The following ATRNL1 variants were observed in gnomAD, a reference collection of about 807,000 sequenced individuals.
The protein encoded by ATRNL1 is attractin like 1.
Under a neutral mutation model 182.7 loss-of-function variants are expected in ATRNL1, and 95 were observed. The observed-to-expected ratio is 0.52, with a 90% CI of 0.44 to 0.62. ATRNL1 has a LOEUF of 0.62. Ranked by LOEUF, ATRNL1 falls within the 20% of genes least tolerant of loss-of-function variation. The probability of loss-of-function intolerance (pLI) is 0.00; values close to 1 mark genes in which losing one functional copy is unlikely to be tolerated. For synonymous variants in ATRNL1, 576 were observed against 568.3 expected, an observed-to-expected ratio of 1.01 and a Z score of -0.19; for missense variants, 1,471 against 1,679.5, an observed-to-expected ratio of 0.88 and a Z score of 2.17.
intron 8 of ATRNL1, among the ~76,000 whole-genome samples, chr10:115,214,065 CACAT>C (rs1388094242): frequency 1.3e-5 from 2 of 151,146 alleles, no homozygotes; most frequent in African/African-American, 4.9e-5. Flanking sequence ...CACACACACA[CACAT>C]ATATATAAAC....
chr10:115,196,804 G>A (rs1245375476), intron 8 of ATRNL1, among the ~76,000 whole-genome samples: 1 of 152,050 alleles, frequency 6.6e-6, no homozygotes, highest in African/African-American at 2.4e-5. Flanking sequence ...TAGCCCATTG[G>A]TCAACAACTT....
chr10:115,694,958 CACAG>C lies in ATRNL1; in HGVS notation c.3796-32288_3796-32285del, dbSNP rs2133981060. 2.1e-5 allele frequency among the ~76,000 whole-genome samples: 3 copies of C among 142,566 alleles called. No individual in the cohort carries two copies. The South Asian group carries it at 6.9e-4, about 33-fold the overall frequency. The allele number at this position is 142,566 out of a possible 152,430, so 93.5% of individuals were successfully genotyped here. A position where few individuals can be genotyped will look rare whatever the true frequency, so the allele number is the denominator to read the frequency against. On this transcript the variant is annotated intron_variant, in intron 26 of 28. Coordinates refer to ENST00000355044, the MANE Select transcript of ATRNL1 (RefSeq NM_207303.4). The stretch of plus-strand genomic sequence containing the variant: ...GCACACACGCACACACACACACACA[CACAG>C]AGTATCTTCATCCATTTTTATGACT...
At chr10:115,196,308 A>T (rs571731430) in intron 8 of ATRNL1, among the ~76,000 whole-genome samples, 1 of 152,266 alleles carries the variant, frequency 6.6e-6, no homozygotes, top group South Asian at 2.1e-4. Flanking sequence ...ATTGATGTAT[A>T]TTATGGTTAT....
intron 28 of ATRNL1, among the ~76,000 whole-genome samples, chr10:115,894,376 C>A (rs1555111990): frequency 6.6e-6 from 1 of 152,156 alleles, no homozygotes; most frequent in East Asian, 1.9e-4. Flanking sequence ...GTTTTACTCT[C>A]ACCTTTACAG....
chr10:115,110,018 C>T, intron 1 of ATRNL1, among the ~76,000 whole-genome samples: 1 of 152,054 alleles, frequency 6.6e-6, no homozygotes, highest in Non-Finnish European at 1.5e-5. Flanking sequence ...AGTATAAAAT[C>T]AAACTAATCT....
chr10:115,922,958 C>G lies in ATRNL1; in HGVS notation c.4019-21700C>G, dbSNP rs1555119053. On this transcript the variant is annotated intron_variant, in intron 28 of 28. Coordinates refer to ENST00000355044, the MANE Select transcript of ATRNL1 (RefSeq NM_207303.4). ...GTAGATGGCTTATTCTCTTCCTATT[C>G]CTAAGATATCAGTGTTACTTTAGCC... 3.3e-5 allele frequency among the ~76,000 whole-genome samples: 5 copies of G among 152,158 alleles called. No homozygotes were observed. The South Asian group carries it at 1.0e-3, about 32-fold the overall frequency.
At chr10:115,260,659 G>A (rs1367453154) in intron 10 of ATRNL1, among the ~76,000 whole-genome samples, 1 of 152,108 alleles carries the variant, frequency 6.6e-6, no homozygotes, top group Admixed American at 6.6e-5. Flanking sequence ...GAGATTATAA[G>A]TTAAATCTTT....
At chr10:115,352,546 C>A (rs946589979) in intron 19 of ATRNL1, among the ~76,000 whole-genome samples, 3 of 151,930 alleles carry the variant, frequency 2.0e-5, no homozygotes, top group African/African-American at 7.3e-5. Context: ...GTTTTCATTC[C>A]TTCAGCAGCG....
At chr10:115,844,728 C>T (rs1555098289) in intron 27 of ATRNL1, among the ~76,000 whole-genome samples, 1 of 152,036 alleles carries the variant, frequency 6.6e-6, no homozygotes, top group African/African-American at 2.4e-5. Flanking sequence ...ACACCAGCTT[C>T]TTGCAGTACA....
chr10:115,828,929 A>G (rs1589569013), intron 27 of ATRNL1, among the ~76,000 whole-genome samples: 1 of 152,160 alleles, frequency 6.6e-6, no homozygotes, highest in Non-Finnish European at 1.5e-5. Flanking sequence ...CAAATTCCCA[A>G]TGTCATTAGA....
intron 10 of ATRNL1, among the ~76,000 whole-genome samples, chr10:115,247,042 A>G (rs543603990): frequency 1.9e-4 from 29 of 152,328 alleles, no homozygotes; most frequent in African/African-American, 6.7e-4. Flanking sequence ...TAAACTAAAA[A>G]TGGATCAAAA....
At chr10:115,173,284 C>A (rs1223342807) in intron 8 of ATRNL1, among the ~76,000 whole-genome samples, 1 of 151,800 alleles carries the variant, frequency 6.6e-6, no homozygotes, top group African/African-American at 2.4e-5. Context: ...TGTAGAAGGG[C>A]AGTTTTCTTT....
chr10:115,481,580 A>C lies in ATRNL1; in HGVS notation c.3654+12251A>C, dbSNP rs1397527343. ...TTGAATTGAGATATGAGACTGGTCA[A>C]TTTGACACCAGATCCCATTCTACCA... On this transcript the variant is annotated intron_variant, in intron 24 of 28. Transcript: ENST00000355044. 2.0e-5 allele frequency among the ~76,000 whole-genome samples: 3 copies of C among 150,850 alleles called. No homozygotes were observed. The Admixed American group carries it at 2.0e-4, about 10-fold the overall frequency.
intron 25 of ATRNL1, among the ~76,000 whole-genome samples, chr10:115,541,639 C>A (rs548098036): frequency 6.6e-6 from 1 of 152,168 alleles, no homozygotes; most frequent in East Asian, 1.9e-4. Flanking sequence ...GAAAAATATA[C>A]TCATATAATG....
intron 1 of ATRNL1, among the ~76,000 whole-genome samples, chr10:115,112,153 G>A (rs1269396335): frequency 6.6e-6 from 1 of 151,928 alleles, no homozygotes; most frequent in Non-Finnish European, 1.5e-5. Flanking sequence ...AGAAATTGAA[G>A]GTGACACAAG....
chr10:115,775,453 A>G (rs2134176221), intron 27 of ATRNL1, among the ~76,000 whole-genome samples: 1 of 152,346 alleles, frequency 6.6e-6, no homozygotes, highest in East Asian at 1.9e-4. Context: ...ATTCTTCTGA[A>G]TTGAATCTGT....
intron 25 of ATRNL1, among the ~76,000 whole-genome samples, chr10:115,530,628 TTTTA>T (rs1157082826): frequency 1.3e-5 from 2 of 151,412 alleles, no homozygotes; most frequent in African/African-American, 4.9e-5. Flanking sequence ...AAATAAGACT[TTTTA>T]TTATTATTAT....
At chr10:115,331,151 C>G (rs1855198600) in intron 18 of ATRNL1, among the ~76,000 whole-genome samples, 1 of 152,074 alleles carries the variant, frequency 6.6e-6, no homozygotes, top group East Asian at 1.9e-4. Context: ...CCTCCACCTC[C>G]TGGGTTCACG....
chr10:115,168,597 C>T (rs1439810124), intron 7 of ATRNL1, among the ~76,000 whole-genome samples: 2 of 151,822 alleles, frequency 1.3e-5, no homozygotes, highest in Non-Finnish European at 2.9e-5. Flanking sequence ...TGCTTTTGGC[C>T]ATTTGTATAT....
Sources: gnomAD v4.1 joint callset for allele counts (sites outside exome capture counted in the v4.1 genomes callset) on GRCh38, gnomAD v4.1.1 for gene constraint, MANE v1.5 for transcripts, NCBI Gene and HGNC (gene_info 2026-07-23, HGNC 2026-07-21) for gene names.